The following MS4A10 variants were observed in gnomAD, a reference collection of about 807,000 sequenced individuals.
The protein encoded by MS4A10 is membrane-spanning 4-domains subfamily A member 10.
In MS4A10, 27 loss-of-function variants were observed where a neutral mutation model predicts 27.7. That is an observed-to-expected ratio of 0.98 (90% CI 0.72 to 1.35). The LOEUF (loss-of-function observed/expected upper bound fraction) is 1.35, where lower values mean the gene tolerates loss of function less well. Among genes scored for constraint, MS4A10 ranks in the 40% most tolerant of loss-of-function variants. The probability of loss-of-function intolerance (pLI) is 0.00; values close to 1 mark genes in which losing one functional copy is unlikely to be tolerated. For missense variants in MS4A10, 338 were observed against 324.7 expected, an observed-to-expected ratio of 1.04 and a Z score of -0.32; for synonymous variants, 139 against 131.2, an observed-to-expected ratio of 1.06 and a Z score of -0.41.
intron 6 of MS4A10, among the ~76,000 whole-genome samples, chr11:60,796,765 A>G (rs1854541004): frequency 6.6e-6 from 1 of 152,212 alleles, no homozygotes; most frequent in African/African-American, 2.4e-5. Flanking sequence ...AGGGCTAGAT[A>G]TATTTTAAAA....
intron 6 of MS4A10, among the ~76,000 whole-genome samples, chr11:60,796,146 G>A (rs1854527723): frequency 6.6e-6 from 1 of 152,104 alleles, no homozygotes; most frequent in South Asian, 2.1e-4. Context: ...CAAAGATTGG[G>A]CATTTAAGGA....
At position 60,793,467 on chromosome 11, in the gene MS4A10, G is replaced by A. The variant is rs148234113; in HGVS notation, c.361-505G>A. 2.9e-3 allele frequency among the ~76,000 whole-genome samples: 444 copies of A among 152,324 alleles called. 4 individuals are homozygous for A. Among genetic ancestry groups the A allele is most frequent in the African/African-American group, 9.8e-3 (409 of 41,574 alleles). ...GGAATGATGCTTAACCCGAGAGGAC[G>A]ATGAATACAGGCATTTCAGGAACCA... On this transcript the variant is annotated intron_variant, in intron 4 of 7. Coordinates refer to ENST00000308287, the MANE Select transcript of MS4A10 (RefSeq NM_206893.4).
chr11:60,789,366 G>A (rs536021082), intron 1 of MS4A10, among the ~76,000 whole-genome samples: 1 of 152,134 alleles, frequency 6.6e-6, no homozygotes, highest in Non-Finnish European at 1.5e-5. Context: ...GAAAGACTAC[G>A]TTGGATTTTC....
chr11:60,791,275 C>G (rs1854426408), intron 3 of MS4A10, among the ~76,000 whole-genome samples, 182 bp downstream of exon 3: 1 of 152,224 alleles, frequency 6.6e-6, no homozygotes, highest in African/African-American at 2.4e-5. Context: ...ATGGAAATAG[C>G]TCCTTCCAGG....
intron 6 of MS4A10, among the ~76,000 whole-genome samples, chr11:60,797,805 T>C (rs1175662957): frequency 1.3e-5 from 2 of 152,156 alleles, no homozygotes; most frequent in East Asian, 3.8e-4. Flanking sequence ...GGGACGCAGG[T>C]TCTGCTTTTC....
chr11:60,797,676 A>T (rs1854552427), intron 6 of MS4A10, among the ~76,000 whole-genome samples: 1 of 152,198 alleles, frequency 6.6e-6, no homozygotes, highest in Non-Finnish European at 1.5e-5. Context: ...CCTTAATTCC[A>T]TCTGCAACCT....
At chr11:60,799,080 A>T (rs1854585019) in intron 7 of MS4A10, among the ~76,000 whole-genome samples, 1 of 152,180 alleles carries the variant, frequency 6.6e-6, no homozygotes, top group Non-Finnish European at 1.5e-5. Flanking sequence ...CTTCCCTCTG[A>T]ACTAGACCCT....
chr11:60,797,781 C>T (rs1467526952), intron 6 of MS4A10, among the ~76,000 whole-genome samples: 1 of 152,244 alleles, frequency 6.6e-6, no homozygotes, highest in East Asian at 1.9e-4. Context: ...GTCCTTGAAT[C>T]TCACGGCCAT....
At chr11:60,790,857 G>T in intron 2 of MS4A10, 117 bp from the exon 3 acceptor site, 2 of 1,414,612 alleles carry the variant, frequency 1.4e-6, no homozygotes, top group Non-Finnish European at 9.6e-7. Context: ...CTGGTCTCTG[G>T]GATCCCTAAG....
At position 60,799,738 on chromosome 11, in the gene MS4A10, A is replaced by C. The variant is rs1485078821; in HGVS notation, c.723-90A>C. 4.1e-6 allele frequency: 3 copies of C among 727,666 alleles called. No individual in the cohort carries two copies. In the Admixed American group the frequency reaches 6.1e-5, roughly 15 times the overall value. 45.1% of individuals were successfully genotyped at this position (727,666 alleles called of 1,614,324 possible). A position where few individuals can be genotyped will look rare whatever the true frequency, so the allele number is the denominator to read the frequency against. Reference sequence around the variant, plus strand: ...TTACTGGGCCACTGACTCTGAGCCAAGTAAATGCTATTTAATCTCAATGTC... The same window carrying C: ...TTACTGGGCCACTGACTCTGAGCCACGTAAATGCTATTTAATCTCAATGTC... On this transcript the variant is annotated intron_variant, in intron 7 of 7. Coordinates refer to ENST00000308287, the MANE Select transcript of MS4A10 (RefSeq NM_206893.4).
chr11:60,786,091 T>C (rs1004796781), intron 1 of MS4A10, among the ~76,000 whole-genome samples: 1 of 151,954 alleles, frequency 6.6e-6, no homozygotes, highest in Non-Finnish European at 1.5e-5. Context: ...GCCTGTCACA[T>C]GTTGTGACAC....
At chr11:60,797,399 T>C (rs1160634839) in intron 6 of MS4A10, among the ~76,000 whole-genome samples, 1 of 152,218 alleles carries the variant, frequency 6.6e-6, no homozygotes, top group Non-Finnish European at 1.5e-5. Flanking sequence ...CGGTTTGAAA[T>C]GAGTCTCAAG....
intron 1 of MS4A10, among the ~76,000 whole-genome samples, chr11:60,786,191 A>ACACACACACACACACGCG (rs1854335033): frequency 7.1e-6 from 1 of 140,658 alleles, no homozygotes; most frequent in African/African-American, 3.0e-5. Context: ...ACACACACGC[A>ACACACACACACACACGCG]CACACACACA....
At chr11:60,786,221 GCT>G (rs1369800700) in intron 1 of MS4A10, among the ~76,000 whole-genome samples, 5 of 150,788 alleles carry the variant, frequency 3.3e-5, no homozygotes, top group African/African-American at 7.3e-5. Context: ...ACCCTGAGAA[GCT>G]CTCTCTGTCC....
At chr11:60,793,878 G>T (rs934380649) in intron 4 of MS4A10, 94 bp from the exon 5 acceptor site, 2 of 1,416,284 alleles carry the variant, frequency 1.4e-6, no homozygotes, top group African/African-American at 2.8e-5. Flanking sequence ...TCTCTCCTGA[G>T]GCTACAGAGG....
At chr11:60,788,944 G>A (rs1202323962) in intron 1 of MS4A10, among the ~76,000 whole-genome samples, 1 of 152,194 alleles carries the variant, frequency 6.6e-6, no homozygotes, top group Admixed American at 6.5e-5. Flanking sequence ...AGTATTAAGG[G>A]AGGTTGCCAG....
chr11:60,794,761 C>T lies in MS4A10; in HGVS notation c.492+658C>T, dbSNP rs371475486. ...CACAATCGAGGCTCACTGTAACCTC[C>T]GCCTCCCAGATTCAAGCAATTCTCC... On this transcript the variant is annotated intron_variant, in intron 5 of 7. Transcript: ENST00000308287. Among the ~76,000 whole-genome samples, 28 of 152,182 alleles carry T rather than the reference C, an allele frequency of 1.8e-4. No individual in the cohort carries two copies. The South Asian group carries it at 5.4e-3, about 29-fold the overall frequency.
At chr11:60,790,278 A>G in intron 1 of MS4A10, 36 bp from the exon 2 acceptor site, 1 of 1,564,434 alleles carries the variant, frequency 6.4e-7, no homozygotes, top group Non-Finnish European at 8.8e-7. Context: ...CTCAGAAATG[A>G]GACGGGTTCT....
At chr11:60,786,887 G>C (rs988120280) in intron 1 of MS4A10, among the ~76,000 whole-genome samples, 1 of 152,212 alleles carries the variant, frequency 6.6e-6, no homozygotes, top group African/African-American at 2.4e-5. Flanking sequence ...AAGGTGAGGG[G>C]AGACTCAGAT....
Sources: allele counts gnomAD v4.1 joint callset (sites outside exome capture counted in the v4.1 genomes callset), GRCh38; gene constraint gnomAD v4.1.1; transcripts MANE v1.5; gene names NCBI Gene and HGNC (gene_info 2026-07-23, HGNC 2026-07-21).